GSG1L: variants seen among roughly 807,000 people sequenced by gnomAD.
GSG1L encodes the protein GSG1 like, also known as germ cell-specific gene 1-like protein.
In GSG1L, 24 loss-of-function variants were observed where a neutral mutation model predicts 42.1. The observed-to-expected ratio is 0.57, with a 90% CI of 0.41 to 0.80. The LOEUF (loss-of-function observed/expected upper bound fraction) is 0.80, where lower values mean the gene tolerates loss of function less well. GSG1L is among the 30% of genes least tolerant of loss of function. GSG1L has a pLI of 0.00. For synonymous variants in GSG1L, 215 were observed against 203.5 expected (o/e 1.06, Z -0.48); for missense variants, 445 against 472.2 (o/e 0.94, Z 0.53).
intron 4 of GSG1L, among the ~76,000 whole-genome samples, chr16:27,836,181 C>T (rs1290347629): frequency 6.6e-6 from 1 of 152,044 alleles, no homozygotes; most frequent in Non-Finnish European, 1.5e-5. Context: ...TGTTGTGCCA[C>T]TTCCTTCTAG....
In GSG1L at chr16:27,963,172, G is replaced by T; in HGVS notation, c.381C>A (p.Ala127=). The T allele has an allele frequency of 6.2e-7, 1 of 1,613,814 alleles. No homozygotes were observed. The highest frequency in any genetic ancestry group is 8.5e-7 in the Non-Finnish European group (1 of 1,179,736). The change falls in exon 2 of 7, where the codon GCC becomes GCA. Residue 127 remains alanine, a synonymous_variant. Coordinates refer to ENST00000447459, the MANE Select transcript of GSG1L (RefSeq NM_001109763.2). ...GEKCRSFIDL[A]PASEKGVLWL... ...CACACTCACCTTTCTCCGATGCCGG[G>T]GCCAGGTCAATGAAGCTGCGACATT...
chr16:27,816,669 AT>A (rs2083097175), intron 5 of GSG1L, among the ~76,000 whole-genome samples: 1 of 152,228 alleles, frequency 6.6e-6, no homozygotes, highest in African/African-American at 2.4e-5. Flanking sequence ...AGGGACCTCT[AT>A]GACATCACTG....
At chr16:27,865,596 C>G (rs12921576) in intron 3 of GSG1L, among the ~76,000 whole-genome samples, 1 of 137,602 alleles carries the variant, frequency 7.3e-6, no homozygotes, top group Admixed American at 7.3e-5. Context: ...CATACATACA[C>G]ACACATATAT....
intron 1 of GSG1L, among the ~76,000 whole-genome samples, chr16:27,974,294 G>A (rs1225739106): frequency 6.6e-6 from 1 of 152,202 alleles, no homozygotes; most frequent in Non-Finnish European, 1.5e-5. Context: ...GCTGGACTTT[G>A]GGGTCATAGG....
chr16:27,897,076 T>C (rs2084200533), intron 2 of GSG1L, among the ~76,000 whole-genome samples: 1 of 152,122 alleles, frequency 6.6e-6, no homozygotes, highest in African/African-American at 2.4e-5. Flanking sequence ...TTTGGCCAGG[T>C]TGGTCTCAAA....
intron 2 of GSG1L, among the ~76,000 whole-genome samples, chr16:27,953,546 T>C (rs2084973224): frequency 6.6e-6 from 1 of 152,168 alleles, no homozygotes; most frequent in South Asian, 2.1e-4. Flanking sequence ...AAAGGGGCTG[T>C]GGCAGTGGAG....
chr16:27,888,553 TTCTTTCTTTCTTTCTTTCTTTC>T (rs1567506141), intron 2 of GSG1L, among the ~76,000 whole-genome samples: 5 of 19,304 alleles, frequency 2.6e-4, no homozygotes, highest in Non-Finnish European at 5.2e-4. Context: ...CTTTCTTTCT[TTCTTTCTTTCTTTCTTTCTTTC>T]TTTCTTTCTC....
chr16:28,011,605 A>C (rs186073208), intron 1 of GSG1L, among the ~76,000 whole-genome samples: 4 of 152,292 alleles, frequency 2.6e-5, no homozygotes, highest in Non-Finnish European at 5.9e-5. Flanking sequence ...GAATCACCTG[A>C]TGTTTCAAGT....
intron 1 of GSG1L, among the ~76,000 whole-genome samples, chr16:27,995,922 A>G (rs113054226): frequency 0.013 from 1,975 of 151,588 alleles, 38 homozygotes; most frequent in African/African-American, 0.046. Context: ...ACACACAGCC[A>G]GGCACAGTGG....
chr16:27,904,128 G>A (rs1457843592), intron 2 of GSG1L, among the ~76,000 whole-genome samples: 1 of 152,110 alleles, frequency 6.6e-6, no homozygotes, highest in East Asian at 1.9e-4. Flanking sequence ...AGAGTGCAGT[G>A]GCCTGAATTG....
intron 2 of GSG1L, among the ~76,000 whole-genome samples, chr16:27,892,491 T>G (rs2084141072): frequency 6.6e-6 from 1 of 151,846 alleles, no homozygotes; most frequent in Non-Finnish European, 1.5e-5. Context: ...TGGCCGGGCT[T>G]GGTGGCTCAC....
chr16:27,903,364 G>A (rs1403685692), intron 2 of GSG1L, among the ~76,000 whole-genome samples: 2 of 152,168 alleles, frequency 1.3e-5, no homozygotes, highest in Non-Finnish European at 2.9e-5. Flanking sequence ...GCCCTGTGGG[G>A]AGACTTCTGC....
chr16:27,815,055 A>G (rs993164083), intron 5 of GSG1L, among the ~76,000 whole-genome samples: 2 of 152,106 alleles, frequency 1.3e-5, no homozygotes, highest in Non-Finnish European at 2.9e-5. Flanking sequence ...TCAGCCTCCT[A>G]AAGTGCTAGG....
At chr16:27,947,782 A>G (rs2084901542) in intron 2 of GSG1L, among the ~76,000 whole-genome samples, 1 of 152,172 alleles carries the variant, frequency 6.6e-6, no homozygotes, top group Non-Finnish European at 1.5e-5. Context: ...TGCTCAGTCC[A>G]TGGCAGCCAC....
intron 2 of GSG1L, among the ~76,000 whole-genome samples, chr16:27,958,556 C>T (rs958258241): frequency 5.3e-5 from 8 of 151,972 alleles, no homozygotes; most frequent in African/African-American, 1.2e-4. Flanking sequence ...TATGTACATA[C>T]GTGTGTGTAT....
At chr16:27,836,119 T>C (rs1017141893) in intron 4 of GSG1L, among the ~76,000 whole-genome samples, 2 of 152,312 alleles carry the variant, frequency 1.3e-5, no homozygotes, top group East Asian at 3.9e-4. Context: ...TATAGAATTT[T>C]AAATTGATAG....
chr16:27,865,943 C>T (rs1456554714), intron 3 of GSG1L, among the ~76,000 whole-genome samples: 1 of 152,038 alleles, frequency 6.6e-6, no homozygotes, highest in East Asian at 1.9e-4. Flanking sequence ...TCAAGTGATC[C>T]TCCCACCTTG....
At chr16:27,947,535 ATG>A (rs1491343932) in intron 2 of GSG1L, among the ~76,000 whole-genome samples, 4 of 114,122 alleles carry the variant, frequency 3.5e-5, no homozygotes, top group African/African-American at 1.4e-4. Context: ...GAAAGAAAGA[ATG>A]AAGGAAAGAA....
In GSG1L at chr16:28,063,137, G is replaced by T; in HGVS notation, c.288C>A (p.Phe96Leu). The change falls in exon 1 of 7, where the codon TTC becomes TTA. Residue 96 changes from phenylalanine to leucine, a missense_variant. Coordinates refer to ENST00000447459, the MANE Select transcript of GSG1L (RefSeq NM_001109763.2). The surrounding 1 kb of genome is among the most constrained non-coding windows in gnomAD (Gnocchi z 5.8). ...TGCCGGTGTGGAAATTCCTGAAGAG[G>T]AAGCGGTCGTCGCCGGTCTCCCAGC... ...LYSWETGDDR[F>L]LFRNFHTGIW... 1 of 1,436,708 alleles carries T rather than the reference G, an allele frequency of 7.0e-7. No homozygotes were observed. The allele number at this position is 1,436,708 out of a possible 1,614,324, so 89.0% of individuals were successfully genotyped here.
Sources: allele counts gnomAD v4.1 joint callset (sites outside exome capture counted in the v4.1 genomes callset), GRCh38; gene constraint gnomAD v4.1.1; non-coding constraint Gnocchi (gnomAD v3.1); transcripts MANE v1.5; gene names NCBI Gene and HGNC (gene_info 2026-07-23, HGNC 2026-07-21).